POC1B: variants seen among roughly 807,000 people sequenced by gnomAD.
POC1B encodes the protein POC1 centriolar protein B, also known as POC1 centriolar protein homolog B.
In POC1B, 44 loss-of-function variants were observed where a neutral mutation model predicts 60.6. The observed-to-expected ratio is 0.73, with a 90% confidence interval of 0.57 to 0.93. The LOEUF (loss-of-function observed/expected upper bound fraction) is 0.93. Among genes scored for constraint, POC1B ranks in the 40% least tolerant of loss-of-function variants. The pLI is 0.00. For missense variants in POC1B, 555 were observed against 572.3 expected (o/e 0.97, Z 0.31); for synonymous variants, 180 against 198.9 (o/e 0.90, Z 0.80).
chr12:89,488,468 T>C (rs1266327306), intron 4 of POC1B, among the ~76,000 whole-genome samples: 1 of 152,146 alleles, frequency 6.6e-6, no homozygotes, highest in Non-Finnish European at 1.5e-5. Context: ...CTATTATTAT[T>C]ATACAGCTAT....
rs1880503414 is a variant in POC1B at position 89,420,937 on chromosome 12, A to G, written c.*216T>C. On this transcript the variant is annotated 3_prime_UTR_variant, in exon 12 of 12. Coordinates refer to ENST00000313546, the MANE Select transcript of POC1B (RefSeq NM_172240.3). The stretch of plus-strand genomic sequence containing the variant: ...CTTTATTACTGCAATCATAAATGAT[A>G]GTAATTTAAATTAGTCCTTCACATT... The G allele has an allele frequency of 7.2e-6, 3 of 416,438 alleles. No homozygotes were observed. In the Admixed American group the frequency reaches 1.2e-4, roughly 16 times the overall value. The allele number at this position is 416,438 out of a possible 1,614,324, so 25.8% of individuals were successfully genotyped here. A position where few individuals can be genotyped will look rare whatever the true frequency, so the allele number is the denominator to read the frequency against.
chr12:89,523,412 C>T (rs1871102046), intron 2 of POC1B: 9 of 1,614,026 alleles, frequency 5.6e-6, no homozygotes, highest in Non-Finnish European at 7.6e-6. Flanking sequence ...GCTGCCCGAG[C>T]AGTATTCTGT....
At chr12:89,440,794 A>C (rs191587546) in intron 10 of POC1B, among the ~76,000 whole-genome samples, 9 of 152,316 alleles carry the variant, frequency 5.9e-5, no homozygotes, top group African/African-American at 1.9e-4. Context: ...TGCAGCCCAC[A>C]GAGCATGAGC....
intron 4 of POC1B, among the ~76,000 whole-genome samples, chr12:89,487,328 CAG>C (rs1305809636): frequency 2.6e-5 from 4 of 152,224 alleles, no homozygotes; most frequent in African/African-American, 9.6e-5. Context: ...TACCAGAAAA[CAG>C]GGAATAGGCA....
intron 10 of POC1B, among the ~76,000 whole-genome samples, chr12:89,445,730 T>C (rs1449705415): frequency 3.3e-5 from 5 of 152,074 alleles, no homozygotes; most frequent in Non-Finnish European, 5.9e-5. Context: ...CCAAAAGCAA[T>C]GGCAACAAAA....
At chr12:89,412,552 TG>T in the POC1B span, among the ~76,000 whole-genome samples, 1 of 151,606 alleles carries the variant, frequency 6.6e-6, no homozygotes, top group Non-Finnish European at 1.5e-5. Context: ...GGTGGGTGCC[TG>T]TAATCCCAGC....
At chr12:89,493,724 CCT>C (rs1869102230) in intron 3 of POC1B, among the ~76,000 whole-genome samples, 1 of 152,142 alleles carries the variant, frequency 6.6e-6, no homozygotes, top group Non-Finnish European at 1.5e-5. Flanking sequence ...CAAAATCTGC[CCT>C]GATTTTTAGT....
At chr12:89,487,195 G>A (rs551457824) in intron 4 of POC1B, among the ~76,000 whole-genome samples, 6 of 152,240 alleles carry the variant, frequency 3.9e-5, no homozygotes, top group African/African-American at 1.2e-4. Context: ...CTATGTTTCC[G>A]TGGGCGAGCC....
chr12:89,521,119 T>C (rs1339243938), intron 2 of POC1B: 1 of 150,820 alleles, frequency 6.6e-6, no homozygotes, highest in Non-Finnish European at 1.5e-5. Context: ...ATTTTTTTTT[T>C]TTGAGACAGA....
chr12:89,468,916 A>C (rs532338040), intron 7 of POC1B, among the ~76,000 whole-genome samples: 1 of 152,308 alleles, frequency 6.6e-6, no homozygotes, highest in East Asian at 1.9e-4. Context: ...CATTCTAAAA[A>C]ATTCAGAGAA....
chr12:89,471,481 A>T (rs888842488), intron 6 of POC1B, 133 bp downstream of exon 6: 33 of 630,556 alleles, frequency 5.2e-5, no homozygotes, highest in Middle Eastern at 4.0e-4. Flanking sequence ...GGAGCTAATT[A>T]TACTATTCTC....
chr12:89,464,803 A>G (rs1290094985), intron 9 of POC1B, among the ~76,000 whole-genome samples: 3 of 69,668 alleles, frequency 4.3e-5, no homozygotes, highest in Non-Finnish European at 1.1e-4. Context: ...TTTTTTCAGG[A>G]AAAAAAAAAA....
At chr12:89,454,766 T>C (rs1461229088) in intron 10 of POC1B, among the ~76,000 whole-genome samples, 1 of 151,300 alleles carries the variant, frequency 6.6e-6, no homozygotes, top group African/African-American at 2.4e-5. Flanking sequence ...TACAGTTTAT[T>C]TTTTAGATCT....
intron 3 of POC1B, among the ~76,000 whole-genome samples, chr12:89,495,246 G>C (rs1044861016): frequency 5.3e-5 from 8 of 152,194 alleles, no homozygotes; most frequent in African/African-American, 1.9e-4. Context: ...TTAGTAAAGG[G>C]AGACTGAAGT....
chr12:89,479,636 T>A lies in POC1B; in HGVS notation c.453-7361A>T, dbSNP rs530102772. On this transcript the variant is annotated intron_variant, in intron 4 of 11. Transcript: ENST00000313546. ...ACCTATTCACCTCCTCTTACACTAATGGGCACCATCTCTGTGCGACACTGA... is the reference window on the plus strand; with the variant it reads ...ACCTATTCACCTCCTCTTACACTAAAGGGCACCATCTCTGTGCGACACTGA... 2.1e-4 allele frequency among the ~76,000 whole-genome samples: 32 copies of A among 152,244 alleles called. No individual in the cohort carries two copies. In the South Asian group the frequency reaches 2.7e-3, roughly 13 times the overall value.
At chr12:89,504,192 A>G (rs1869778979) in intron 2 of POC1B, among the ~76,000 whole-genome samples, 1 of 152,242 alleles carries the variant, frequency 6.6e-6, no homozygotes, top group South Asian at 2.1e-4. Context: ...AAAGATAGAG[A>G]AATCAGATTG....
At chr12:89,418,827 G>A (rs1043752619), downstream of POC1B, among the ~76,000 whole-genome samples, 6 of 152,136 alleles carry the variant, frequency 3.9e-5, no homozygotes, top group African/African-American at 1.4e-4. Context: ...TGTGCAGTGT[G>A]CAGAACTATG....
intron 9 of POC1B, among the ~76,000 whole-genome samples, chr12:89,462,223 G>A (rs1220257090): frequency 6.6e-6 from 1 of 152,104 alleles, no homozygotes; most frequent in Middle Eastern, 3.2e-3. Flanking sequence ...TATGCTGAGG[G>A]GGTGATATGG....
chr12:89,425,465 A>G (rs1249382521), intron 10 of POC1B, 86 bp from the exon 11 acceptor site: 8 of 1,063,060 alleles, frequency 7.5e-6, no homozygotes, highest in African/African-American at 1.6e-5. Flanking sequence ...TTCCTCTTCT[A>G]AAAAGCCCAG....
Sources: gnomAD v4.1 joint callset for allele counts (sites outside exome capture counted in the v4.1 genomes callset) on GRCh38, gnomAD v4.1.1 for gene constraint, MANE v1.5 for transcripts, NCBI Gene and HGNC (gene_info 2026-07-23, HGNC 2026-07-21) for gene names.